RB1: variants seen among roughly 807,000 people sequenced by gnomAD.
RB1 encodes RB transcriptional corepressor 1, also known as retinoblastoma-associated protein.
Under a neutral mutation model 135.4 loss-of-function variants are expected in RB1, and 18 were observed. The observed-to-expected ratio is 0.13, with a 90% CI of 0.09 to 0.20. The LOEUF (loss-of-function observed/expected upper bound fraction) is 0.20. RB1 is among the 10% of genes least tolerant of loss of function. The probability of loss-of-function intolerance (pLI) is 1.00; values close to 1 mark genes in which losing one functional copy is unlikely to be tolerated. For synonymous variants in RB1, 365 were observed against 373.2 expected (o/e 0.98, Z 0.25); for missense variants, 868 against 1,110.0 (o/e 0.78, Z 3.10).
intron 17 of RB1, among the ~76,000 whole-genome samples, chr13:48,397,123 G>T (rs920930737): frequency 6.6e-6 from 1 of 152,158 alleles, no homozygotes; most frequent in Admixed American, 6.5e-5. Context: ...AATAATATTT[G>T]ACCCAGTAAT....
intron 9 of RB1, among the ~76,000 whole-genome samples, chr13:48,365,534 G>T (rs1299167083): frequency 1.3e-5 from 2 of 152,146 alleles, no homozygotes; most frequent in Admixed American, 1.3e-4. Context: ...AATGAGAACA[G>T]AATAACTGAG....
intron 17 of RB1, among the ~76,000 whole-genome samples, chr13:48,425,531 A>T (rs945777764): frequency 6.6e-6 from 1 of 152,208 alleles, no homozygotes; most frequent in Non-Finnish European, 1.5e-5. Flanking sequence ...GAAAGGACCA[A>T]TTTCACTAGG....
chr13:48,416,764 C>T (rs1450757216), intron 17 of RB1, among the ~76,000 whole-genome samples: 1 of 152,184 alleles, frequency 6.6e-6, no homozygotes, highest in African/African-American at 2.4e-5. Flanking sequence ...GGGCTTCTGC[C>T]ATTACTGAGG....
chr13:48,474,470 A>G (rs574958724), intron 24 of RB1, among the ~76,000 whole-genome samples: 21 of 152,176 alleles, frequency 1.4e-4, no homozygotes, highest in Non-Finnish European at 2.4e-4. Flanking sequence ...CCATGTATGT[A>G]TGTACATAAC....
intron 17 of RB1, among the ~76,000 whole-genome samples, chr13:48,408,948 C>T (rs1401506272): frequency 6.6e-6 from 1 of 152,066 alleles, no homozygotes; most frequent in African/African-American, 2.4e-5. Flanking sequence ...ACCCCTTTCC[C>T]CCAGATCAGT....
chr13:48,459,961 T>TCTCTC (rs1949392342), intron 20 of RB1, 128 bp downstream of exon 20: 1 of 438,498 alleles, frequency 2.3e-6, no homozygotes, highest in African/African-American at 3.8e-5. Flanking sequence ...TTTTCTTTCT[T>TCTCTC]TCTTTCTCTC....
rs1131690884 is a variant in RB1, at chr13:48,379,633, G to A, written c.1372G>A (p.Glu458Lys). ...LGVRLYYRVM[E>K]SMLKSEEERL... is the part of the protein sequence containing the mutation. ...AGTTCGCTTGTATTACCGAGTAATG[G>A]AATCCATGCTTAAATCAGTAAGTTA... The change falls in exon 14 of 27, where the codon GAA becomes AAA. Residue 458 changes from glutamate (E) to lysine (K), a missense_variant. Physicochemically the swap from Glu to Lys is moderately conservative, Grantham distance 56. This residue lies in a region of RB1 where 641 missense variants were observed against 791.3 expected (regional missense o/e 0.81). Transcript: ENST00000267163. The A allele has an allele frequency of 6.2e-7, 1 of 1,612,216 alleles. No homozygotes were observed. Among genetic ancestry groups the A allele is most frequent in the East Asian group, 2.2e-5 (1 of 44,752 alleles).
At chr13:48,453,182 T>G in intron 18 of RB1, 71 bp downstream of exon 18, 7 of 1,398,054 alleles carry the variant, frequency 5.0e-6, no homozygotes, top group Non-Finnish European at 6.0e-6. Context: ...CAATGTAACA[T>G]TCTATAAAGA....
chr13:48,385,786 C>T lies in RB1; in HGVS notation c.1695+4343C>T, dbSNP rs979332482. 2.6e-5 allele frequency among the ~76,000 whole-genome samples: 4 copies of T among 152,122 alleles called. 1 individual carries two copies. The highest frequency in any genetic ancestry group is 2.0e-4 in the Admixed American group (3 of 15,272). The stretch of plus-strand genomic sequence containing the variant: ...AAGATAATTGCTTCTTACAACAAAA[C>T]CATTCTCATTTTAGAAAAATAACAG... On this transcript the variant is annotated intron_variant, in intron 17 of 26. Coordinates refer to ENST00000267163, the MANE Select transcript of RB1 (RefSeq NM_000321.3).
chr13:48,343,569 A>T (rs1157434127), intron 3 of RB1, among the ~76,000 whole-genome samples: 6 of 152,216 alleles, frequency 3.9e-5, no homozygotes, highest in Non-Finnish European at 8.8e-5. Flanking sequence ...GCAACACCAC[A>T]GGCACTCACT....
chr13:48,411,987 C>T (rs1351789808), intron 17 of RB1: 2 of 1,604,414 alleles, frequency 1.2e-6, no homozygotes, highest in East Asian at 2.3e-5. Context: ...TGCACTTCCT[C>T]CGATCACAGT....
chr13:48,456,057 A>G (rs1033952277), intron 18 of RB1, 147 bp from the exon 19 acceptor site: 2 of 1,418,268 alleles, frequency 1.4e-6, no homozygotes, highest in Admixed American at 5.6e-5. Flanking sequence ...TCCTATTAAT[A>G]TATCTTTCCC....
At chr13:48,339,449 C>T (rs779030226) in intron 2 of RB1, among the ~76,000 whole-genome samples, 6 of 152,210 alleles carry the variant, frequency 3.9e-5, no homozygotes, top group African/African-American at 7.2e-5. Context: ...AGCGAGGCTC[C>T]GTGGGTGTGG....
At chr13:48,305,564 C>T (rs1160018734) in intron 1 of RB1, among the ~76,000 whole-genome samples, 1 of 152,110 alleles carries the variant, frequency 6.6e-6, no homozygotes, top group African/African-American at 2.4e-5. Context: ...GGAATATTGA[C>T]GTTGTGGCCA....
intron 18 of RB1, 120 bp downstream of exon 18, chr13:48,453,231 G>T: frequency 1.9e-6 from 2 of 1,045,768 alleles, no homozygotes; most frequent in South Asian, 2.6e-5. Context: ...AATAGTTTCT[G>T]TTTTTAAGAA....
chr13:48,347,636 A>G (rs919955591), intron 4 of RB1, among the ~76,000 whole-genome samples, 189 bp from the exon 5 acceptor site: 134 of 152,146 alleles, frequency 8.8e-4, no homozygotes, highest in African/African-American at 3.2e-3. Context: ...ATTAACTGTA[A>G]TTATATATTA....
chr13:48,394,757 T>C (rs1948634922), intron 17 of RB1, among the ~76,000 whole-genome samples: 3 of 152,226 alleles, frequency 2.0e-5, no homozygotes, highest in Admixed American at 6.5e-5. Context: ...CAGGGGCCTA[T>C]AGATAAAACT....
chr13:48,432,452 G>T (rs1949140160), intron 17 of RB1, among the ~76,000 whole-genome samples: 1 of 151,090 alleles, frequency 6.6e-6, no homozygotes. Context: ...CTACTTGCCA[G>T]TGTTCTGAAA....
At chr13:48,362,155 C>A (rs1952648803) in intron 7 of RB1, among the ~76,000 whole-genome samples, 1 of 151,818 alleles carries the variant, frequency 6.6e-6, no homozygotes, top group South Asian at 2.1e-4. Context: ...ACCGTGTTGG[C>A]CAGGCTGGTC....
Sources: gnomAD v4.1 joint callset for allele counts (sites outside exome capture counted in the v4.1 genomes callset) on GRCh38, gnomAD v4.1.1 for gene constraint, gnomAD v4.1.1 regional missense constraint, MANE v1.5 for transcripts, NCBI Gene and HGNC (gene_info 2026-07-23, HGNC 2026-07-21) for gene names.